Variants in EIF4G3 observed in about 807,000 individuals in gnomAD.
EIF4G3 encodes eIF-4-gamma 3.
Under a neutral mutation model 186.4 loss-of-function variants are expected in EIF4G3, and 34 were observed. That is an observed-to-expected ratio of 0.18 (90% CI 0.14 to 0.24). The LOEUF (loss-of-function observed/expected upper bound fraction) is 0.24, where lower values mean the gene tolerates loss of function less well. Ranked by LOEUF, EIF4G3 falls within the 10% of genes least tolerant of loss-of-function variation. EIF4G3 has a pLI of 1.00. For synonymous variants in EIF4G3, 673 were observed against 679.5 expected (o/e 0.99, Z 0.15); for missense variants, 1,536 against 1,948.5 (o/e 0.79, Z 3.99).
At chr1:21,090,590 A>C (rs1335569776) in intron 2 of EIF4G3, among the ~76,000 whole-genome samples, 1 of 152,210 alleles carries the variant, frequency 6.6e-6, no homozygotes, top group Admixed American at 6.5e-5. Context: ...GGTTGTTTAC[A>C]GTCAGTACCT....
At chr1:20,889,481 T>C (rs2085261528) in intron 18 of EIF4G3, among the ~76,000 whole-genome samples, 1 of 152,180 alleles carries the variant, frequency 6.6e-6, no homozygotes. Flanking sequence ...CTAACACAAC[T>C]GATAAGTAAT....
intron 14 of EIF4G3, among the ~76,000 whole-genome samples, chr1:20,927,805 G>A (rs940916023): frequency 6.6e-6 from 1 of 152,140 alleles, no homozygotes; most frequent in African/African-American, 2.4e-5. Flanking sequence ...GGCCCAACTG[G>A]ATATTTCATA....
At chr1:21,176,566 G>A (rs1434889516) in intron 1 of EIF4G3, among the ~76,000 whole-genome samples, 156 bp downstream of exon 1, 8 of 143,306 alleles carry the variant, frequency 5.6e-5, no homozygotes, top group African/African-American at 2.0e-4. Context: ...ACACACGCCC[G>A]ACGCCGCCGC....
chr1:21,096,988 T>C (rs1411215751), intron 2 of EIF4G3, among the ~76,000 whole-genome samples: 1 of 152,202 alleles, frequency 6.6e-6, no homozygotes, highest in African/African-American at 2.4e-5. Flanking sequence ...CTGCATGATG[T>C]GAATTTACTT....
intron 18 of EIF4G3, among the ~76,000 whole-genome samples, chr1:20,891,842 T>C (rs963373260): frequency 2.0e-5 from 3 of 151,488 alleles, no homozygotes; most frequent in Admixed American, 6.6e-5. Flanking sequence ...TTTCTAAGAC[T>C]TTCTGGTGAG....
chr1:20,866,454 T>A (rs1231852593), intron 20 of EIF4G3, among the ~76,000 whole-genome samples: 1 of 152,146 alleles, frequency 6.6e-6, no homozygotes, highest in Non-Finnish European at 1.5e-5. Flanking sequence ...GAGGGGAACA[T>A]TTTCAGATAA....
intron 4 of EIF4G3, among the ~76,000 whole-genome samples, chr1:21,021,556 T>C (rs935062388): frequency 1.3e-5 from 2 of 151,450 alleles, no homozygotes; most frequent in South Asian, 2.1e-4. Context: ...TCTTTCTTTC[T>C]TTTTTTTTCT....
chr1:20,931,042 T>G (rs1486741894), intron 14 of EIF4G3, among the ~76,000 whole-genome samples: 1 of 151,780 alleles, frequency 6.6e-6, no homozygotes, highest in Non-Finnish European at 1.5e-5. Context: ...GAAATTATTT[T>G]GGCTATTTGG....
intron 34 of EIF4G3, among the ~76,000 whole-genome samples, chr1:20,816,171 A>T (rs1400844670): frequency 3.1e-5 from 3 of 95,600 alleles, no homozygotes; most frequent in Non-Finnish European, 4.2e-5. Context: ...GGCCGCCCCT[A>T]CTGGGAAGTG....
chr1:20,978,285 GAT>G (rs139580004), intron 10 of EIF4G3, among the ~76,000 whole-genome samples: 2 of 150,740 alleles, frequency 1.3e-5, no homozygotes, highest in African/African-American at 2.4e-5. Context: ...AAAATTGGGT[GAT>G]ATATATATAT....
chr1:21,136,504 G>A (rs1037010612), intron 2 of EIF4G3, among the ~76,000 whole-genome samples: 15 of 151,678 alleles, frequency 9.9e-5, no homozygotes, highest in African/African-American at 3.1e-4. Flanking sequence ...GTGGCAGAGC[G>A]AGACTCCGTA....
intron 20 of EIF4G3, among the ~76,000 whole-genome samples, chr1:20,874,320 AC>A (rs1470227813): frequency 6.6e-6 from 1 of 152,118 alleles, no homozygotes; most frequent in African/African-American, 2.4e-5. Flanking sequence ...CTGTTTCTCC[AC>A]AGCCTTGCTA....
intron 14 of EIF4G3, among the ~76,000 whole-genome samples, chr1:20,909,942 C>T (rs934008251): frequency 3.3e-5 from 5 of 151,826 alleles, no homozygotes; most frequent in Admixed American, 1.3e-4. Flanking sequence ...CAACCATGCC[C>T]GGCTAATTTT....
intron 14 of EIF4G3, among the ~76,000 whole-genome samples, chr1:20,923,156 G>A (rs1387328396): frequency 6.6e-6 from 1 of 152,068 alleles, no homozygotes. Context: ...CTGAATTCCA[G>A]CTTCATTTTT....
intron 4 of EIF4G3, among the ~76,000 whole-genome samples, chr1:21,014,977 G>A (rs1159977221): frequency 6.6e-6 from 1 of 150,898 alleles, no homozygotes; most frequent in Non-Finnish European, 1.5e-5. Flanking sequence ...CACTCAATAA[G>A]CTAAAGAAAG....
rs71585790 is a variant in EIF4G3, at chr1:20,868,090, C to CTTTTTTTCTT, written c.2623-2829_2623-2828insAAGAAAAAAA. Among the ~76,000 whole-genome samples, 191 of 90,434 alleles carry CTTTTTTTCTT rather than the reference C, an allele frequency of 2.1e-3. 10 individuals are homozygous for CTTTTTTTCTT. Among genetic ancestry groups the CTTTTTTTCTT allele is most frequent in the African/African-American group, 7.0e-3 (173 of 24,716 alleles). 59.3% of individuals were successfully genotyped at this position (90,434 alleles called of 152,430 possible). ...GAGAATAGTGATTCATGGTGATTTT[C>CTTTTTTTCTT]TTTTTTTTTTTTTTTTGTCCTTAGG... On this transcript the variant is annotated intron_variant, in intron 20 of 36. Coordinates refer to ENST00000602326, the MANE Select transcript of EIF4G3 (RefSeq NM_001391906.1).
At chr1:21,001,756 TAAGA>T (rs1160681252) in intron 5 of EIF4G3, among the ~76,000 whole-genome samples, 1 of 152,134 alleles carries the variant, frequency 6.6e-6, no homozygotes, top group East Asian at 1.9e-4. Flanking sequence ...AGAAAAAGGA[TAAGA>T]AAGAGATTAC....
At chr1:20,966,314 G>A (rs2074643497) in intron 12 of EIF4G3, among the ~76,000 whole-genome samples, 1 of 152,190 alleles carries the variant, frequency 6.6e-6, no homozygotes, top group Non-Finnish European at 1.5e-5. Context: ...CTGGATTGAT[G>A]TCAAAATTGA....
chr1:21,151,168 A>G (rs1186850511), intron 2 of EIF4G3, among the ~76,000 whole-genome samples: 1 of 151,580 alleles, frequency 6.6e-6, no homozygotes, highest in African/African-American at 2.4e-5. Context: ...TTCCACGGAG[A>G]AAATGTGCAC....
Sources: allele counts gnomAD v4.1 joint callset (sites outside exome capture counted in the v4.1 genomes callset), GRCh38; gene constraint gnomAD v4.1.1; transcripts MANE v1.5; gene names NCBI Gene and HGNC (gene_info 2026-07-23, HGNC 2026-07-21).